The following TDRD5 variants were observed in gnomAD, a reference collection of about 807,000 sequenced individuals.
TDRD5 encodes the protein tudor domain containing 5.
TDRD5 carries 41 observed loss-of-function variants against 120.6 expected under a neutral mutation model. The ratio of observed to expected loss-of-function variants is 0.34; its 90% CI spans 0.26 to 0.44. TDRD5 has a LOEUF of 0.44. Among genes scored for constraint, TDRD5 ranks in the 20% least tolerant of loss-of-function variants. TDRD5 has a pLI of 1.00. For synonymous variants in TDRD5, 430 were observed against 433.7 expected, an observed-to-expected ratio of 0.99 and a Z score of 0.11; for missense variants, 1,006 against 1,221.2, an observed-to-expected ratio of 0.82 and a Z score of 2.63.
intron 16 of TDRD5, among the ~76,000 whole-genome samples, chr1:179,664,026 C>T (rs12042409): frequency 0.34 from 51,287 of 151,992 alleles, 8,898 homozygotes; most frequent in Admixed American, 0.42. Context: ...CTGTGAATCA[C>T]GAAATTTGGC....
At chr1:179,678,596 A>C (rs1270983560) in intron 17 of TDRD5, among the ~76,000 whole-genome samples, 2 of 152,126 alleles carry the variant, frequency 1.3e-5, no homozygotes, top group African/African-American at 4.8e-5. Flanking sequence ...AATTTCTAGC[A>C]ATGATATTTT....
intron 17 of TDRD5, among the ~76,000 whole-genome samples, chr1:179,677,254 C>T (rs925339131): frequency 1.3e-5 from 2 of 151,950 alleles, no homozygotes; most frequent in African/African-American, 2.4e-5. Context: ...TCTTTCATAT[C>T]CTGTATCATG....
chr1:179,618,322 G>A (rs947270306), intron 4 of TDRD5, among the ~76,000 whole-genome samples: 4 of 152,160 alleles, frequency 2.6e-5, no homozygotes, highest in South Asian at 2.1e-4. Flanking sequence ...TTCTGGGTAA[G>A]AGTATGGGAT....
intron 5 of TDRD5, among the ~76,000 whole-genome samples, chr1:179,620,259 A>C (rs1676773046): frequency 6.6e-6 from 1 of 152,198 alleles, no homozygotes; most frequent in South Asian, 2.1e-4. Flanking sequence ...AAGCTTGATT[A>C]GAATTTTGTA....
chr1:179,688,922 G>A (rs1680925832), intron 17 of TDRD5, among the ~76,000 whole-genome samples: 1 of 152,156 alleles, frequency 6.6e-6, no homozygotes, highest in Non-Finnish European at 1.5e-5. Context: ...TCTCTATGAT[G>A]TTTATTCTAG....
rs1676686134 is a variant in TDRD5 at position 179,618,639 on chromosome 1, C to G, written c.872C>G (p.Pro291Arg). Reference protein sequence around the residue: ...TFKSVIAQIGPGGTISSELKH... With the variant: ...TFKSVIAQIGRGGTISSELKH... ...AAATCAGTTATTGCACAGATTGGAC[C>G]TGGAGGAACTATCAGTTCAGAACTA... The change falls in exon 5 of 18, where the codon CCT becomes CGT. Residue 291 changes from proline to arginine, a missense_variant. This residue lies in a region of TDRD5 where 445 missense variants were observed against 515.5 expected (regional missense o/e 0.86). Transcript: ENST00000444136. The G allele has an allele frequency of 1.9e-6, 3 of 1,598,318 alleles. No homozygotes were observed. Among genetic ancestry groups the G allele is most frequent in the Non-Finnish European group, 2.6e-6 (3 of 1,173,862 alleles).
chr1:179,603,982 A>T (rs186539908), intron 4 of TDRD5, among the ~76,000 whole-genome samples: 1 of 152,192 alleles, frequency 6.6e-6, no homozygotes, highest in East Asian at 1.9e-4. Context: ...GTCTATTAGA[A>T]TTCTGCTGTG....
chr1:179,629,595 ATATT>A (rs1341851120), intron 6 of TDRD5, among the ~76,000 whole-genome samples: 1 of 152,228 alleles, frequency 6.6e-6, no homozygotes, highest in Non-Finnish European at 1.5e-5. Flanking sequence ...TAAATGCAAC[ATATT>A]TATTGTCTGT....
chr1:179,612,165 A>T (rs945045246), intron 4 of TDRD5, among the ~76,000 whole-genome samples: 7 of 152,206 alleles, frequency 4.6e-5, no homozygotes, highest in Non-Finnish European at 8.8e-5. Flanking sequence ...CAAAGTGAAC[A>T]TGCATCATTT....
intron 17 of TDRD5, among the ~76,000 whole-genome samples, chr1:179,689,528 C>T (rs1040120613): frequency 3.3e-5 from 5 of 152,330 alleles, no homozygotes; most frequent in South Asian, 2.1e-4. Flanking sequence ...GCAGTCTGTC[C>T]GTTCTCAGAT....
intron 9 of TDRD5, among the ~76,000 whole-genome samples, chr1:179,639,345 A>G (rs1677919548): frequency 6.6e-6 from 1 of 152,188 alleles, no homozygotes; most frequent in Non-Finnish European, 1.5e-5. Context: ...ATACTTCCTA[A>G]AGATAAGTGA....
intron 4 of TDRD5, among the ~76,000 whole-genome samples, chr1:179,615,070 T>C (rs1401445415): frequency 1.9e-4 from 29 of 152,160 alleles, no homozygotes; most frequent in Admixed American, 1.8e-3. Flanking sequence ...TTTTACTCTG[T>C]GTCTACAAGT....
chr1:179,654,946 T>C (rs1678922544), intron 14 of TDRD5, among the ~76,000 whole-genome samples: 1 of 152,154 alleles, frequency 6.6e-6, no homozygotes, highest in Non-Finnish European at 1.5e-5. Context: ...TGAGAAATTA[T>C]ATTACGAAAA....
intron 4 of TDRD5, among the ~76,000 whole-genome samples, chr1:179,604,653 G>T (rs1388979386): frequency 6.6e-6 from 1 of 152,054 alleles, no homozygotes; most frequent in Non-Finnish European, 1.5e-5. Flanking sequence ...TCATTCAGGA[G>T]CAGGTAATTT....
chr1:179,654,276 G>C lies in TDRD5; in HGVS notation c.2236G>C (p.Glu746Gln), dbSNP rs1678873745. ...GGAGCCATTAAAGGATTCTGAATTT[G>C]AGTCTTTGAAAACCTGTAATAAGAG... ...SKEPLKDSEF[E>Q]SLKTCNKSFE... Residue 746 changes from glutamate to glutamine, a missense_variant, in exon 14 of 18, where the codon GAG becomes CAG. Glu to Gln is a conservative substitution (Grantham distance 29). This residue lies in a region of TDRD5 where 403 missense variants were observed against 448.1 expected (regional missense o/e 0.90). Transcript: ENST00000444136. The C allele has an allele frequency of 1.9e-6, 3 of 1,549,706 alleles. No homozygotes were observed. Among genetic ancestry groups the C allele is most frequent in the Non-Finnish European group, 8.7e-7 (1 of 1,146,594 alleles).
rs1054018249 is a variant in TDRD5 at position 179,691,075 on chromosome 1, T to G, written c.*132T>G. On this transcript the variant is annotated 3_prime_UTR_variant, in exon 18 of 18. Transcript: ENST00000444136. ...ATACTTTTGTCTTTCTGTGACTATATGTTAGCTTTATTATGCTAACAGTCT... is the reference window on the plus strand; with the variant it reads ...ATACTTTTGTCTTTCTGTGACTATAGGTTAGCTTTATTATGCTAACAGTCT... 9.7e-6 allele frequency: 12 copies of G among 1,236,350 alleles called. No individual in the cohort carries two copies. Among genetic ancestry groups the G allele is most frequent in the Non-Finnish European group, 1.2e-5 (11 of 920,652 alleles). 76.6% of individuals were successfully genotyped at this position (1,236,350 alleles called of 1,614,324 possible). A position where few individuals can be genotyped will look rare whatever the true frequency, so the allele number is the denominator to read the frequency against.
chr1:179,674,556 C>T (rs2147790426), intron 17 of TDRD5, among the ~76,000 whole-genome samples: 1 of 152,146 alleles, frequency 6.6e-6, no homozygotes, highest in African/African-American at 2.4e-5. Flanking sequence ...ATACTGGCTT[C>T]ACAGAATGAT....
At chr1:179,650,006 C>T (rs1422434084) in intron 11 of TDRD5, among the ~76,000 whole-genome samples, 1 of 152,120 alleles carries the variant, frequency 6.6e-6, no homozygotes, top group Non-Finnish European at 1.5e-5. Flanking sequence ...TTTCTTCCTC[C>T]CTTACCCTGA....
At chr1:179,674,385 T>C (rs1680010124) in intron 17 of TDRD5, among the ~76,000 whole-genome samples, 1 of 152,228 alleles carries the variant, frequency 6.6e-6, no homozygotes, top group Non-Finnish European at 1.5e-5. Context: ...ATCCCTGGTA[T>C]GAAACCCCTC....
Sources: gnomAD v4.1 joint callset for allele counts (sites outside exome capture counted in the v4.1 genomes callset) on GRCh38, gnomAD v4.1.1 for gene constraint, gnomAD v4.1.1 regional missense constraint, MANE v1.5 for transcripts, NCBI Gene and HGNC (gene_info 2026-07-23, HGNC 2026-07-21) for gene names.